PTPN3: variants seen among roughly 807,000 people sequenced by gnomAD.
PTPN3 encodes tyrosine-protein phosphatase non-receptor type 3.
A neutral mutation model predicts 132.7 loss-of-function variants in PTPN3; 96 were observed. That is an observed-to-expected ratio of 0.72 (90% CI 0.61 to 0.86). PTPN3 has a LOEUF of 0.86. Among genes scored for constraint, PTPN3 ranks in the 40% least tolerant of loss-of-function variants. The pLI is 0.00. For missense variants in PTPN3, 1,125 were observed against 1,159.6 expected, an observed-to-expected ratio of 0.97 and a Z score of 0.43; for synonymous variants, 398 against 429.0, an observed-to-expected ratio of 0.93 and a Z score of 0.89.
rs145645925 is a variant in PTPN3 at position 109,375,949 on chromosome 9, G to T, written c.*3607C>A. ...CCCGGTCTGAGGTCACAGAATCTTT[G>T]CCACCTTTACCGAGACTGCTCTCAG... On this transcript the variant is annotated 3_prime_UTR_variant, in exon 26 of 26. Coordinates refer to ENST00000374541, the MANE Select transcript of PTPN3 (RefSeq NM_002829.4). 5 of 152,286 alleles carry T rather than the reference G, an allele frequency of 3.3e-5. No individual in the cohort carries two copies. Among genetic ancestry groups the T allele is most frequent in the African/African-American group, 1.2e-4 (5 of 41,562 alleles). 9.4% of individuals were successfully genotyped at this position (152,286 alleles called of 1,614,324 possible). A position where few individuals can be genotyped will look rare whatever the true frequency, so the allele number is the denominator to read the frequency against.
At chr9:109,475,680 C>T (rs748258871) in intron 1 of PTPN3, among the ~76,000 whole-genome samples, 5 of 152,218 alleles carry the variant, frequency 3.3e-5, no homozygotes, top group Admixed American at 6.5e-5. Context: ...TGTCAGTCCA[C>T]GATATTTCTA....
chr9:109,498,541 TG>T (rs1283218554), upstream of PTPN3, among the ~76,000 whole-genome samples: 1 of 152,138 alleles, frequency 6.6e-6, no homozygotes, highest in African/African-American at 2.4e-5. The surrounding 1 kb of genome is among the most constrained non-coding windows in gnomAD (Gnocchi z 4.2). Flanking sequence ...CAGCCATGAC[TG>T]GGCACCTACT....
At chr9:109,535,347 A>G in the PTPN3 span, among the ~76,000 whole-genome samples, 1 of 152,160 alleles carries the variant, frequency 6.6e-6, no homozygotes, top group Non-Finnish European at 1.5e-5. Context: ...CAAAAATTTC[A>G]GTGTAAAATA....
At chr9:109,517,107 C>T in the PTPN3 span, among the ~76,000 whole-genome samples, 2 of 152,102 alleles carry the variant, frequency 1.3e-5, no homozygotes, top group Non-Finnish European at 2.9e-5. Flanking sequence ...TTTGCCTGGC[C>T]ATAGCTGGTG....
At chr9:109,384,188 G>A (rs1839365864) in intron 22 of PTPN3, among the ~76,000 whole-genome samples, 1 of 152,192 alleles carries the variant, frequency 6.6e-6, no homozygotes, top group South Asian at 2.1e-4. Context: ...GTAGGGGGCA[G>A]GCGGGGGTGG....
chr9:109,470,650 C>T (rs939723450), intron 1 of PTPN3, among the ~76,000 whole-genome samples: 18 of 150,888 alleles, frequency 1.2e-4, no homozygotes, highest in Non-Finnish European at 1.5e-4. Flanking sequence ...GAGCTATGAC[C>T]GCACCACTGC....
At chr9:109,516,708 G>A in the PTPN3 span, among the ~76,000 whole-genome samples, 9 of 152,108 alleles carry the variant, frequency 5.9e-5, no homozygotes, top group Non-Finnish European at 1.3e-4. Flanking sequence ...AAAGACCATC[G>A]GGCAACAATG....
At chr9:109,432,549 C>T (rs1007735057) in intron 10 of PTPN3, among the ~76,000 whole-genome samples, 1 of 152,162 alleles carries the variant, frequency 6.6e-6, no homozygotes, top group Non-Finnish European at 1.5e-5. Flanking sequence ...AAACTTCTCT[C>T]CAAAATTCAG....
At chr9:109,529,593 G>A in the PTPN3 span, among the ~76,000 whole-genome samples, 1 of 152,094 alleles carries the variant, frequency 6.6e-6, no homozygotes, top group Non-Finnish European at 1.5e-5. Context: ...TTTCTGGTGG[G>A]TTGCTAGCAA....
At position 109,404,573 on chromosome 9, in the gene PTPN3, C is replaced by A. The variant is rs1254044349; in HGVS notation, c.1828G>T (p.Glu610Ter). The A allele has an allele frequency of 2.6e-6, 4 of 1,559,338 alleles. No homozygotes were observed. The highest frequency in any genetic ancestry group is 2.6e-6 in the Non-Finnish European group (3 of 1,143,824). Reference protein sequence around the residue: ...RSFADFKSEDELNQLFPEAIF... With the variant: ...RSFADFKSED ...GCTTCGGGGAAAAGCTGGTTCAGTTCATCTTCAGACTTGAAGTCAGCAAAT... is the reference window on the plus strand; with the variant it reads ...GCTTCGGGGAAAAGCTGGTTCAGTTAATCTTCAGACTTGAAGTCAGCAAAT... Residue 610 changes from glutamate (E) to a stop codon, truncating the protein, a stop_gained, in exon 19 of 26, where the codon GAA becomes TAA. Coordinates refer to ENST00000374541, the MANE Select transcript of PTPN3 (RefSeq NM_002829.4). LOFTEE classifies it high-confidence loss of function.
the PTPN3 span, among the ~76,000 whole-genome samples, chr9:109,528,859 T>G: frequency 1.1e-4 from 16 of 152,154 alleles, no homozygotes; most frequent in Non-Finnish European, 1.5e-4. Context: ...ACATATCTAA[T>G]CATCTTAATT....
intron 12 of PTPN3, among the ~76,000 whole-genome samples, chr9:109,423,536 A>G (rs1476266096): frequency 6.6e-6 from 1 of 152,166 alleles, no homozygotes; most frequent in East Asian, 1.9e-4. Context: ...AATCCCCGAG[A>G]CAGAGGTTGC....
chr9:109,478,752 G>A (rs1244543462), intron 1 of PTPN3, among the ~76,000 whole-genome samples: 3 of 152,128 alleles, frequency 2.0e-5, no homozygotes, highest in Non-Finnish European at 4.4e-5. Flanking sequence ...AAATTAAAGG[G>A]GATGGGAAGC....
intron 19 of PTPN3, among the ~76,000 whole-genome samples, chr9:109,395,080 C>T (rs553266823): frequency 7.4e-4 from 112 of 150,614 alleles, no homozygotes; most frequent in African/African-American, 2.6e-3. Flanking sequence ...GCAGAGCTTG[C>T]AGTGAGCCGA....
the PTPN3 span, among the ~76,000 whole-genome samples, chr9:109,518,629 G>A: frequency 6.6e-6 from 1 of 152,004 alleles, no homozygotes; most frequent in Non-Finnish European, 1.5e-5. Flanking sequence ...CCATCCAGAG[G>A]GGTGTTTGGG....
chr9:109,505,479 AT>A, the PTPN3 span, among the ~76,000 whole-genome samples: 10 of 151,972 alleles, frequency 6.6e-5, no homozygotes, highest in Non-Finnish European at 1.5e-4. Context: ...AGGTCTTGCT[AT>A]TTTGGCCAGG....
At chr9:109,534,471 T>G in the PTPN3 span, 3 of 1,125,698 alleles carry the variant, frequency 2.7e-6, no homozygotes, top group Non-Finnish European at 2.4e-6. Context: ...CCGATCGAAC[T>G]CTTGGCTCTT....
the PTPN3 span, among the ~76,000 whole-genome samples, chr9:109,521,359 C>T: frequency 7.5e-3 from 1,145 of 152,154 alleles, 10 homozygotes; most frequent in African/African-American, 0.026. Flanking sequence ...GAGGTATCAC[C>T]ATGTTGCCCA....
the PTPN3 span, among the ~76,000 whole-genome samples, chr9:109,526,390 A>G: frequency 1.3e-5 from 2 of 152,004 alleles, no homozygotes; most frequent in Non-Finnish European, 2.9e-5. Context: ...AATATATGTG[A>G]AGCTGGGTGC....
Sources: allele counts gnomAD v4.1 joint callset (sites outside exome capture counted in the v4.1 genomes callset), GRCh38; gene constraint gnomAD v4.1.1; non-coding constraint Gnocchi (gnomAD v3.1); transcripts MANE v1.5; gene names NCBI Gene and HGNC (gene_info 2026-07-23, HGNC 2026-07-21).